SPAG16: variants seen among roughly 807,000 people sequenced by gnomAD.
SPAG16 encodes the protein sperm associated antigen 16.
A neutral mutation model predicts 80.4 loss-of-function variants in SPAG16; 86 were observed. The observed-to-expected ratio is 1.07, with a 90% CI of 0.90 to 1.28. The LOEUF (loss-of-function observed/expected upper bound fraction) is 1.28, where lower values mean the gene tolerates loss of function less well. SPAG16 is among the 50% of genes most tolerant of loss of function. The pLI, the probability that SPAG16 is intolerant of heterozygous loss-of-function variation, is 0.00. For synonymous variants in SPAG16, 294 were observed against 265.9 expected (o/e 1.11, Z -1.03); for missense variants, 870 against 765.3 (o/e 1.14, Z -1.61).
At chr2:213,650,029 G>T (rs780565127) in intron 10 of SPAG16, among the ~76,000 whole-genome samples, 1 of 152,048 alleles carries the variant, frequency 6.6e-6, no homozygotes, top group Non-Finnish European at 1.5e-5. Context: ...AGAAAAAGAA[G>T]TTCTCGAATT....
At chr2:214,134,074 T>C (rs949952850) in intron 14 of SPAG16, among the ~76,000 whole-genome samples, 5 of 152,218 alleles carry the variant, frequency 3.3e-5, no homozygotes, top group African/African-American at 9.6e-5. Flanking sequence ...GTTGAAATCA[T>C]GGGAATACTC....
chr2:213,468,582 T>C (rs181552886), intron 9 of SPAG16, among the ~76,000 whole-genome samples: 194 of 145,402 alleles, frequency 1.3e-3, no homozygotes, highest in Admixed American at 2.2e-3. Context: ...TCTATGTATT[T>C]ATATATAGAG....
chr2:213,593,486 C>G (rs2060777973), intron 10 of SPAG16, among the ~76,000 whole-genome samples: 4 of 151,950 alleles, frequency 2.6e-5, no homozygotes, highest in Admixed American at 2.6e-4. Flanking sequence ...TTTTTAGGTG[C>G]TTTCATTTGC....
At chr2:213,998,135 C>G (rs1402684376) in intron 12 of SPAG16, among the ~76,000 whole-genome samples, 1 of 152,106 alleles carries the variant, frequency 6.6e-6, no homozygotes, top group Non-Finnish European at 1.5e-5. Flanking sequence ...TAAATCTCAG[C>G]AAGTATATTT....
At chr2:213,790,377 T>C (rs1445686043) in intron 10 of SPAG16, among the ~76,000 whole-genome samples, 2 of 151,980 alleles carry the variant, frequency 1.3e-5, no homozygotes, top group Admixed American at 6.6e-5. Context: ...TCTCTGAACA[T>C]TTTCTTTGTA....
At chr2:213,576,884 A>G (rs2060146168) in intron 10 of SPAG16, among the ~76,000 whole-genome samples, 1 of 152,098 alleles carries the variant, frequency 6.6e-6, no homozygotes, top group African/African-American at 2.4e-5. Context: ...AGAAATAACA[A>G]ATGGGTATGA....
chr2:213,423,737 T>TA (rs60591047), intron 9 of SPAG16, among the ~76,000 whole-genome samples: 3,806 of 152,280 alleles, frequency 0.025, 158 homozygotes, highest in African/African-American at 0.085. Context: ...ATTTTTTAGG[T>TA]AAAAATACTA....
At chr2:214,259,403 A>G (rs1244882174) in intron 15 of SPAG16, among the ~76,000 whole-genome samples, 1 of 150,186 alleles carries the variant, frequency 6.7e-6, no homozygotes, top group East Asian at 1.9e-4. Context: ...TACACTATAT[A>G]ATTATATATG....
chr2:213,521,357 A>G (rs2075658159), intron 10 of SPAG16, among the ~76,000 whole-genome samples: 1 of 152,178 alleles, frequency 6.6e-6, no homozygotes, highest in Admixed American at 6.5e-5. Flanking sequence ...ACCTGTTTTC[A>G]TTCTGACTTG....
chr2:213,869,055 C>T (rs2075823440), intron 11 of SPAG16, among the ~76,000 whole-genome samples: 1 of 151,220 alleles, frequency 6.6e-6, no homozygotes, highest in African/African-American at 2.4e-5. Flanking sequence ...ATTTCGAGAC[C>T]AGCCTGACCA....
chr2:214,291,300 C>CTTTTTTTTTTTT (rs56771172), intron 15 of SPAG16, among the ~76,000 whole-genome samples: 9 of 80,482 alleles, frequency 1.1e-4, no homozygotes, highest in East Asian at 4.3e-4. Flanking sequence ...GATCATGTTT[C>CTTTTTTTTTTTT]TTTTTTTTTT....
intron 15 of SPAG16, among the ~76,000 whole-genome samples, chr2:214,257,043 A>C (rs1373933837): frequency 2.0e-5 from 3 of 151,912 alleles, no homozygotes; most frequent in East Asian, 3.9e-4. Context: ...GAAATGATGA[A>C]TCTCATGACT....
chr2:213,835,389 C>T (rs577701873), intron 10 of SPAG16, among the ~76,000 whole-genome samples: 23 of 152,238 alleles, frequency 1.5e-4, no homozygotes, highest in African/African-American at 4.1e-4. Flanking sequence ...TCCCACACTG[C>T]GAGCTTGTCT....
chr2:213,300,122 G>A (rs565855230), intron 3 of SPAG16, among the ~76,000 whole-genome samples: 8 of 152,020 alleles, frequency 5.3e-5, no homozygotes, highest in African/African-American at 9.7e-5. Context: ...CTGTAATTAC[G>A]TAATGACTTC....
intron 10 of SPAG16, among the ~76,000 whole-genome samples, chr2:213,567,170 T>C (rs1446111023): frequency 1.4e-5 from 2 of 145,674 alleles, no homozygotes; most frequent in African/African-American, 5.0e-5. Context: ...AGATTCTTTT[T>C]TTTTTTTTTT....
intron 10 of SPAG16, among the ~76,000 whole-genome samples, chr2:213,634,105 T>C (rs1186768582): frequency 6.6e-6 from 1 of 152,142 alleles, no homozygotes; most frequent in Admixed American, 6.5e-5. Flanking sequence ...CTCTTCTTTC[T>C]TTCTTTCCTG....
At chr2:214,410,069 C>A (rs910235373) in intron 15 of SPAG16, 71 bp from the exon 16 acceptor site, 2 of 1,551,694 alleles carry the variant, frequency 1.3e-6, no homozygotes, top group African/African-American at 1.4e-5. Flanking sequence ...TGCTTCATTG[C>A]TTATAAACTG....
intron 10 of SPAG16, among the ~76,000 whole-genome samples, chr2:213,836,527 A>G (rs1329585169): frequency 1.3e-5 from 2 of 152,122 alleles, no homozygotes; most frequent in East Asian, 3.9e-4. Context: ...AGCTATCCAA[A>G]TGCTCTTTAT....
chr2:213,735,015 G>A (rs1189934607), intron 10 of SPAG16, among the ~76,000 whole-genome samples: 1 of 151,270 alleles, frequency 6.6e-6, no homozygotes, highest in African/African-American at 2.4e-5. Flanking sequence ...TATTACTATT[G>A]CAGATATACT....
Sources: allele counts gnomAD v4.1 joint callset (sites outside exome capture counted in the v4.1 genomes callset), GRCh38; gene constraint gnomAD v4.1.1; transcripts MANE v1.5; gene names NCBI Gene and HGNC (gene_info 2026-07-23, HGNC 2026-07-21).